Variants in MBNL2 observed in about 807,000 individuals in gnomAD.
The protein encoded by MBNL2 is muscleblind like splicing regulator 2.
MBNL2 carries 17 observed loss-of-function variants against 41.9 expected under a neutral mutation model. The observed-to-expected ratio is 0.41, with a 90% confidence interval of 0.28 to 0.61. The LOEUF is 0.61. MBNL2 is among the 20% of genes least tolerant of loss of function. MBNL2 has a pLI of 0.35. For synonymous variants in MBNL2, 195 were observed against 182.9 expected (o/e 1.07, Z -0.53); for missense variants, 336 against 505.6 (o/e 0.66, Z 3.22).
chr13:97,303,147 A>G (rs1323298162), intron 2 of MBNL2, among the ~76,000 whole-genome samples: 1 of 152,192 alleles, frequency 6.6e-6, no homozygotes, highest in East Asian at 1.9e-4. Flanking sequence ...GAAACAGGGA[A>G]ATCGTGTCCC....
chr13:97,332,802 A>T (rs564602430), intron 2 of MBNL2, among the ~76,000 whole-genome samples: 1 of 152,356 alleles, frequency 6.6e-6, no homozygotes, highest in African/African-American at 2.4e-5. Flanking sequence ...ATAGACTCTT[A>T]TTAACAGCAA....
the MBNL2 span, among the ~76,000 whole-genome samples, chr13:97,154,198 T>TA: frequency 1.3e-5 from 2 of 152,174 alleles, no homozygotes; most frequent in African/African-American, 2.4e-5. Flanking sequence ...ATTTGATGTG[T>TA]AAAAAAAGTT....
chr13:97,376,480 T>G lies in MBNL2; in HGVS notation c.1048+11309T>G, dbSNP rs139216767. 1.1e-4 allele frequency among the ~76,000 whole-genome samples: 16 copies of G among 152,354 alleles called. 1 individual carries two copies. Among genetic ancestry groups the G allele is most frequent in the African/African-American group, 3.8e-4 (16 of 41,582 alleles). On this transcript the variant is annotated intron_variant, in intron 8 of 8. Coordinates refer to ENST00000679496, the MANE Select transcript of MBNL2 (RefSeq NM_001382683.1). ...TCTAGCAGTTAGAATTCATCATGCT[T>G]TAGCATCAAGAACAAAATGTAAGAG...
chr13:97,351,670 T>C lies in MBNL2; in HGVS notation c.804+4603T>C, dbSNP rs150703797. Among the ~76,000 whole-genome samples the C allele has an allele frequency of 1.9e-3, 289 of 152,322 alleles. 1 individual carries two copies. Among genetic ancestry groups the C allele is most frequent in the African/African-American group, 6.5e-3 (272 of 41,578 alleles). Reference sequence around the variant, plus strand: ...TCTCTGCTAGCTTCCAACTTTTCTTTTGTAGCTTCCTGTCTCCTTTCAGCC... The same window carrying C: ...TCTCTGCTAGCTTCCAACTTTTCTTCTGTAGCTTCCTGTCTCCTTTCAGCC... On this transcript the variant is annotated intron_variant, in intron 5 of 8. Coordinates refer to ENST00000679496, the MANE Select transcript of MBNL2 (RefSeq NM_001382683.1).
chr13:97,380,936 C>A (rs994426462), intron 8 of MBNL2, among the ~76,000 whole-genome samples: 9 of 152,284 alleles, frequency 5.9e-5, no homozygotes, highest in African/African-American at 1.7e-4. Flanking sequence ...AAGTGAGGAA[C>A]TAAGGCTCGA....
intron 2 of MBNL2, among the ~76,000 whole-genome samples, chr13:97,286,357 T>C (rs1350707783): frequency 6.6e-6 from 1 of 152,132 alleles, no homozygotes; most frequent in African/African-American, 2.4e-5. Flanking sequence ...CCATATCCAA[T>C]CCATTATAAG....
chr13:97,247,483 C>T (rs978293858), intron 1 of MBNL2, among the ~76,000 whole-genome samples: 3 of 152,148 alleles, frequency 2.0e-5, no homozygotes, highest in Admixed American at 6.5e-5. Flanking sequence ...ACATGAACCC[C>T]GACATAGGTC....
At chr13:97,318,693 G>A (rs1047919979) in intron 2 of MBNL2, among the ~76,000 whole-genome samples, 1 of 152,222 alleles carries the variant, frequency 6.6e-6, no homozygotes, top group African/African-American at 2.4e-5. Context: ...CCAGCCAGCA[G>A]TGACAGATGA....
At chr13:97,272,580 T>A (rs2051281131) in intron 1 of MBNL2, among the ~76,000 whole-genome samples, 1 of 152,208 alleles carries the variant, frequency 6.6e-6, no homozygotes, top group Non-Finnish European at 1.5e-5. Context: ...GGTTTGGGTT[T>A]TAAATTTAAG....
chr13:97,299,068 G>T (rs182353090), intron 2 of MBNL2, among the ~76,000 whole-genome samples: 52 of 152,304 alleles, frequency 3.4e-4, no homozygotes, highest in African/African-American at 1.2e-3. Flanking sequence ...GTTAGGAATT[G>T]CAGGATTAGG....
At chr13:97,300,489 G>T (rs114168767) in intron 2 of MBNL2, among the ~76,000 whole-genome samples, 1 of 152,180 alleles carries the variant, frequency 6.6e-6, no homozygotes, top group East Asian at 1.9e-4. Flanking sequence ...CCCCACATGC[G>T]CAGTTCACAA....
chr13:97,261,933 C>T (rs2048708889), intron 1 of MBNL2, among the ~76,000 whole-genome samples: 1 of 152,170 alleles, frequency 6.6e-6, no homozygotes, highest in African/African-American at 2.4e-5. Flanking sequence ...GGCCAGTGGC[C>T]GCACGCTGGC....
chr13:97,201,629 G>A, the MBNL2 span, among the ~76,000 whole-genome samples: 2 of 152,020 alleles, frequency 1.3e-5, no homozygotes. Flanking sequence ...ATTTTTTGGA[G>A]CTTTATCAGT....
At chr13:97,187,919 A>G in the MBNL2 span, among the ~76,000 whole-genome samples, 1 of 151,942 alleles carries the variant, frequency 6.6e-6, no homozygotes, top group African/African-American at 2.4e-5. Flanking sequence ...AAAAAAAAAA[A>G]AAGAAACTGG....
intron 2 of MBNL2, among the ~76,000 whole-genome samples, chr13:97,285,036 C>T (rs2054152592): frequency 6.6e-6 from 1 of 152,116 alleles, no homozygotes; most frequent in East Asian, 1.9e-4. Flanking sequence ...AAATATTTAT[C>T]ATGTTACAGG....
intron 2 of MBNL2, among the ~76,000 whole-genome samples, chr13:97,314,083 C>G (rs2058831142): frequency 6.6e-6 from 1 of 152,136 alleles, no homozygotes; most frequent in African/African-American, 2.4e-5. Context: ...CAGTAAGGGT[C>G]ACCATCTGGT....
Position 97,366,543 on chromosome 13 carries a change from C to T in MBNL2, c.1048+1372C>T. On this transcript the variant is annotated intron_variant, in intron 8 of 8. Coordinates refer to ENST00000679496, the MANE Select transcript of MBNL2 (RefSeq NM_001382683.1). This position sits in a 1 kb window ranked among gnomAD's most constrained non-coding sequence, Gnocchi z 4.7. ...AGTGTCCCCTTCGCAGCAACAGCCA[C>T]AGCCAATCAGGTTTGCTCCTTTTAA... 1 of 1,609,534 alleles carries T rather than the reference C, an allele frequency of 6.2e-7. No individual in the cohort carries two copies. The highest frequency in any genetic ancestry group is 8.5e-7 in the Non-Finnish European group (1 of 1,175,860).
chr13:97,234,901 G>A (rs1361596008), intron 1 of MBNL2, among the ~76,000 whole-genome samples: 4 of 152,156 alleles, frequency 2.6e-5, no homozygotes, highest in Non-Finnish European at 4.4e-5. Context: ...GACACACTTC[G>A]CCATCAGTAG....
chr13:97,307,805 T>A (rs1049265480), intron 2 of MBNL2, among the ~76,000 whole-genome samples: 1 of 152,174 alleles, frequency 6.6e-6, no homozygotes, highest in African/African-American at 2.4e-5. Context: ...CTTTAGAGAA[T>A]TAAATTATTT....
Sources: gnomAD v4.1 joint callset for allele counts (sites outside exome capture counted in the v4.1 genomes callset) on GRCh38, gnomAD v4.1.1 for gene constraint, Gnocchi (gnomAD v3.1) non-coding constraint, MANE v1.5 for transcripts, NCBI Gene and HGNC (gene_info 2026-07-23, HGNC 2026-07-21) for gene names.